PACRG: variants seen among roughly 807,000 people sequenced by gnomAD.
The protein encoded by PACRG is parkin coregulated, also known as parkin coregulated gene protein.
PACRG carries 29 observed loss-of-function variants against 29.7 expected under a neutral mutation model. The observed-to-expected ratio is 0.98, with a 90% CI of 0.73 to 1.33. The LOEUF is 1.33. Ranked by LOEUF, PACRG falls within the 40% of genes most tolerant of loss-of-function variation. The probability of loss-of-function intolerance (pLI) is 0.00; values close to 1 mark genes in which losing one functional copy is unlikely to be tolerated. For missense variants in PACRG, 279 were observed against 316.2 expected, an observed-to-expected ratio of 0.88 and a Z score of 0.89; for synonymous variants, 116 against 118.7, an observed-to-expected ratio of 0.98 and a Z score of 0.15.
intron 2 of PACRG, among the ~76,000 whole-genome samples, chr6:163,044,270 C>A (rs375665380): frequency 1.4e-4 from 21 of 150,878 alleles, no homozygotes; most frequent in Non-Finnish European, 2.2e-4. Flanking sequence ...TGGGTTCATG[C>A]GATCCTCCCA....
intron 1 of PACRG, among the ~76,000 whole-genome samples, chr6:162,743,241 T>A (rs920047648): frequency 6.6e-6 from 1 of 152,222 alleles, no homozygotes; most frequent in Non-Finnish European, 1.5e-5. Context: ...GTTATTTGAG[T>A]TCATGTTTTT....
At chr6:162,988,726 G>C (rs914319265) in intron 2 of PACRG, among the ~76,000 whole-genome samples, 4 of 152,082 alleles carry the variant, frequency 2.6e-5, no homozygotes, top group African/African-American at 9.7e-5. Flanking sequence ...AAACAAGAAA[G>C]GGAATGGTTA....
intron 4 of PACRG, among the ~76,000 whole-genome samples, chr6:163,205,862 C>T (rs780195366): frequency 2.6e-4 from 39 of 152,048 alleles, no homozygotes; most frequent in South Asian, 6.2e-4. Flanking sequence ...AAGGAATTTA[C>T]GGGCAAAAAC....
At chr6:163,058,836 C>G (rs1231866659) in intron 2 of PACRG, among the ~76,000 whole-genome samples, 4 of 149,312 alleles carry the variant, frequency 2.7e-5, no homozygotes, top group African/African-American at 7.4e-5. Flanking sequence ...GGAGGCAGAG[C>G]TTGCAGTGAG....
At chr6:163,295,480 C>T (rs1323128712) in intron 4 of PACRG, among the ~76,000 whole-genome samples, 2 of 152,216 alleles carry the variant, frequency 1.3e-5, no homozygotes, top group Non-Finnish European at 2.9e-5. Flanking sequence ...TGACAATTTG[C>T]TTATCCGTAC....
chr6:163,194,892 C>T (rs1168710649), intron 4 of PACRG, among the ~76,000 whole-genome samples: 1 of 152,032 alleles, frequency 6.6e-6, no homozygotes, highest in Non-Finnish European at 1.5e-5. Context: ...TCCCCTCCTT[C>T]CCCACGCCCC....
At chr6:163,236,698 T>A (rs1311094228) in intron 4 of PACRG, among the ~76,000 whole-genome samples, 1 of 152,122 alleles carries the variant, frequency 6.6e-6, no homozygotes, top group Non-Finnish European at 1.5e-5. Flanking sequence ...TGCCACTTCG[T>A]TTTAGTGGGG....
chr6:163,016,187 C>T (rs7772157), intron 2 of PACRG: 1 of 152,104 alleles, frequency 6.6e-6, no homozygotes, highest in Non-Finnish European at 1.5e-5. Context: ...GGGGCACAGT[C>T]GTCTTTCTGA....
intron 2 of PACRG, among the ~76,000 whole-genome samples, chr6:162,916,832 A>G (rs996862410): frequency 3.3e-5 from 5 of 152,058 alleles, no homozygotes; most frequent in Admixed American, 1.3e-4. Context: ...AAGAGACGCA[A>G]TGATGAATGG....
intron 4 of PACRG, among the ~76,000 whole-genome samples, chr6:163,252,869 C>A (rs1585373113): frequency 6.6e-6 from 1 of 152,222 alleles, no homozygotes. Flanking sequence ...GGTGAGTGAG[C>A]TTTGAAACTA....
chr6:162,947,599 T>TATATATACTCATATATAATC (rs1799263910), intron 2 of PACRG, among the ~76,000 whole-genome samples: 1 of 78,080 alleles, frequency 1.3e-5, no homozygotes, highest in Non-Finnish European at 2.5e-5. Flanking sequence ...TATAATCATA[T>TATATATACTCATATATAATC]ATATATATAA....
intron 1 of PACRG, among the ~76,000 whole-genome samples, chr6:162,730,158 A>T (rs887089302): frequency 2.8e-4 from 42 of 152,206 alleles, no homozygotes; most frequent in African/African-American, 9.6e-4. Context: ...CTCCGAGGAA[A>T]ACCAAAATAA....
intron 2 of PACRG, among the ~76,000 whole-genome samples, chr6:162,871,779 G>A (rs1792831557): frequency 6.6e-6 from 1 of 151,884 alleles, no homozygotes; most frequent in Non-Finnish European, 1.5e-5. Context: ...TTAGCTGGGC[G>A]TGGTAGCAGG....
At chr6:162,886,515 A>T (rs975528447) in intron 2 of PACRG, among the ~76,000 whole-genome samples, 6 of 152,214 alleles carry the variant, frequency 3.9e-5, no homozygotes, top group Admixed American at 3.3e-4. Context: ...CTGTCTGTTC[A>T]TTAACCCCCT....
At chr6:162,746,187 G>C (rs145672191) in intron 1 of PACRG, among the ~76,000 whole-genome samples, 1,849 of 152,176 alleles carry the variant, frequency 0.012, 18 homozygotes, top group Non-Finnish European at 0.021. Context: ...CTAAATTAAA[G>C]TAGCTATGAA....
intron 3 of PACRG, among the ~76,000 whole-genome samples, chr6:163,072,841 A>G (rs985500618): frequency 2.6e-5 from 4 of 152,174 alleles, no homozygotes; most frequent in African/African-American, 4.8e-5. Context: ...AAATTTTACA[A>G]TGTAGTCCCA....
Position 162,745,018 on chromosome 6 carries a change from T to G in PACRG, c.156+16627T>G, listed in dbSNP as rs75868095. The stretch of plus-strand genomic sequence containing the variant: ...TCCTTTTGGGCCCAGCATTCTAGAC[T>G]TTTTCTATGTTATTTATTTCCTGGA... On this transcript the variant is annotated intron_variant, in intron 1 of 4. Transcript: ENST00000366888. Among the ~76,000 whole-genome samples the G allele has an allele frequency of 6.9e-3, 1,054 of 152,258 alleles. 11 individuals carry two copies. Among genetic ancestry groups the G allele is most frequent in the African/African-American group, 0.023 (967 of 41,542 alleles).
chr6:162,945,330 T>C lies in PACRG; in HGVS notation c.292-116820T>C, dbSNP rs149691546. Among the ~76,000 whole-genome samples the C allele has an allele frequency of 5.7e-3, 859 of 151,814 alleles. 11 individuals carry two copies. Among genetic ancestry groups the C allele is most frequent in the African/African-American group, 0.02 (821 of 41,420 alleles). ...GATGGAAAAAAATATTCCATGCAAA[T>C]GGAAACCAAAAACGGGCAGAAGTAG... On this transcript the variant is annotated intron_variant, in intron 2 of 4. Transcript: ENST00000366888.
chr6:162,995,637 G>T (rs56066877), intron 2 of PACRG, among the ~76,000 whole-genome samples: 8 of 152,324 alleles, frequency 5.3e-5, no homozygotes, highest in Non-Finnish European at 8.8e-5. Context: ...TGCGCCCACT[G>T]TCTGGCACTC....
Sources: gnomAD v4.1 joint callset for allele counts (sites outside exome capture counted in the v4.1 genomes callset) on GRCh38, gnomAD v4.1.1 for gene constraint, MANE v1.5 for transcripts, NCBI Gene and HGNC (gene_info 2026-07-23, HGNC 2026-07-21) for gene names.